The following AP3D1 variants were observed in gnomAD, a reference collection of about 807,000 sequenced individuals.
The protein encoded by AP3D1 is AP-3 complex subunit delta-1.
Under a neutral mutation model 147.6 loss-of-function variants are expected in AP3D1, and 51 were observed. That is an observed-to-expected ratio of 0.35 (90% confidence interval 0.28 to 0.44). The LOEUF (loss-of-function observed/expected upper bound fraction) is 0.44, where lower values mean the gene tolerates loss of function less well. AP3D1 is among the 20% of genes least tolerant of loss of function. The probability of loss-of-function intolerance (pLI) is 1.00; values close to 1 mark genes in which losing one functional copy is unlikely to be tolerated. For missense variants in AP3D1, 1,421 were observed against 1,624.2 expected (o/e 0.87, Z 2.15); for synonymous variants, 760 against 663.0 (o/e 1.15, Z -2.25).
intron 1 of AP3D1, among the ~76,000 whole-genome samples, chr19:2,159,676 C>G (rs1321540739): frequency 1.3e-5 from 2 of 149,924 alleles, no homozygotes; most frequent in African/African-American, 2.5e-5. Context: ...GTGTGAGCCA[C>G]CGTGCCCGGC....
chr19:2,127,257 G>T, intron 8 of AP3D1, 56 bp from the exon 9 acceptor site: 1 of 1,586,298 alleles, frequency 6.3e-7, no homozygotes. Flanking sequence ...GTCAGATGCA[G>T]TGACCCAGTG....
chr19:2,102,737 AAATAAAT>A (rs1160348181), intron 31 of AP3D1, among the ~76,000 whole-genome samples: 3 of 18,054 alleles, frequency 1.7e-4, no homozygotes, highest in Non-Finnish European at 4.7e-4. Flanking sequence ...AAAAATAAAT[AAATAAAT>A]AAATAAATAA....
rs775351017 is a variant in AP3D1 at position 2,151,381 on chromosome 19, C to T, written c.-47G>A. The T allele has an allele frequency of 2.9e-6, 4 of 1,401,576 alleles. No individual in the cohort carries two copies. Among genetic ancestry groups the T allele is most frequent in the Middle Eastern group, 2.2e-4 (1 of 4,548 alleles). The allele number at this position is 1,401,576 out of a possible 1,614,324, so 86.8% of individuals were successfully genotyped here. ...GCCTCGGGAGGCCCGCGGCTGGGCG[C>T]CGTGAGGGGGCCCGGGGCCCGTGCC... On this transcript the variant is annotated 5_prime_UTR_variant, in exon 1 of 32. Coordinates refer to ENST00000643116, the MANE Select transcript of AP3D1 (RefSeq NM_001261826.3).
At chr19:2,141,599 G>A (rs1015357323) in intron 1 of AP3D1, among the ~76,000 whole-genome samples, 53 of 151,726 alleles carry the variant, frequency 3.5e-4, no homozygotes, top group Admixed American at 2.6e-4. Flanking sequence ...ACACCACCAC[G>A]CCCAGCTAAT....
chr19:2,116,999 G>C, intron 16 of AP3D1: 2 of 792,582 alleles, frequency 2.5e-6, no homozygotes. Context: ...TGGCAAGGGT[G>C]GGAGCAGGCC....
chr19:2,117,694 T>C (rs2018497875), intron 15 of AP3D1, among the ~76,000 whole-genome samples: 1 of 152,270 alleles, frequency 6.6e-6, no homozygotes, highest in African/African-American at 2.4e-5. Context: ...GCCTCTGTGC[T>C]GGCTCCAACT....
At chr19:2,155,801 C>T (rs896682183), upstream of AP3D1, among the ~76,000 whole-genome samples, 7 of 152,016 alleles carry the variant, frequency 4.6e-5, no homozygotes, top group African/African-American at 1.7e-4. Context: ...GGCTGACATG[C>T]CAGCACTCTG....
chr19:2,137,887 C>T (rs1599484877), intron 2 of AP3D1, 80 bp from the exon 3 acceptor site: 1 of 1,299,594 alleles, frequency 7.7e-7, no homozygotes, highest in Non-Finnish European at 1.1e-6. Flanking sequence ...CAAGCGCTCC[C>T]TCCCAGCACA....
Position 2,113,286 on chromosome 19 carries a change from T to C in AP3D1, c.2679+50A>G, listed in dbSNP as rs375406915. Reference sequence around the variant, plus strand: ...AGGGCTCTTCCCTGAGTGCCAGGTATGACCTCTGCAGACACCGAGGCTGGC... The same window carrying C: ...AGGGCTCTTCCCTGAGTGCCAGGTACGACCTCTGCAGACACCGAGGCTGGC... On this transcript the variant is annotated intron_variant, in intron 23 of 31. Coordinates refer to ENST00000643116, the MANE Select transcript of AP3D1 (RefSeq NM_001261826.3). 8.0e-4 allele frequency: 772 copies of C among 962,720 alleles called. 6 individuals carry two copies. The African/African-American group carries it at 0.012, about 16-fold the overall frequency. 59.6% of individuals were successfully genotyped at this position (962,720 alleles called of 1,614,324 possible). A position where few individuals can be genotyped will look rare whatever the true frequency, so the allele number is the denominator to read the frequency against.
At chr19:2,134,057 G>C (rs193078861) in intron 4 of AP3D1, among the ~76,000 whole-genome samples, 2 of 151,800 alleles carry the variant, frequency 1.3e-5, no homozygotes, top group African/African-American at 4.8e-5. Flanking sequence ...GCAGTGAGCC[G>C]ACATTGTACT....
At chr19:2,111,127 C>T (rs1472638781) in intron 26 of AP3D1, 158 bp downstream of exon 26, 1 of 1,036,960 alleles carries the variant, frequency 9.6e-7, no homozygotes, top group Non-Finnish European at 1.4e-6. Flanking sequence ...AACCTTACCC[C>T]AAGCCAGAGG....
Position 2,117,257 on chromosome 19 carries a change from G to A in AP3D1, c.1824C>T (p.Ala608=). 1 of 1,612,432 alleles carries A rather than the reference G, an allele frequency of 6.2e-7. No homozygotes were observed. Among genetic ancestry groups the A allele is most frequent in the Non-Finnish European group, 8.5e-7 (1 of 1,179,482 alleles). ...CTGGAACCTTCTTCTGGGCCTTGGG[G>A]GCCACTGGGTTCAGCTCCCCAGCAA... is the stretch of plus-strand genomic sequence containing the variant. The part of the protein sequence containing the change: ...ALFAGELNPV[A]PKAQKKVPVP... The change falls in exon 16 of 32, where the codon GCC becomes GCT. Residue 608 remains alanine (A), a synonymous_variant. Coordinates refer to ENST00000643116, the MANE Select transcript of AP3D1 (RefSeq NM_001261826.3).
chr19:2,159,776 C>G (rs2019680894), intron 1 of AP3D1, among the ~76,000 whole-genome samples: 1 of 151,828 alleles, frequency 6.6e-6, no homozygotes, highest in African/African-American at 2.4e-5. Context: ...TCTTGGTTCA[C>G]TGCAAGCTCC....
chr19:2,163,033 C>T lies in AP3D1; in HGVS notation c.-103+1323G>A, dbSNP rs145519694. Among the ~76,000 whole-genome samples, 397 of 152,146 alleles carry T rather than the reference C, an allele frequency of 2.6e-3. 4 individuals carry two copies. The highest frequency in any genetic ancestry group is 9.1e-3 in the African/African-American group (377 of 41,506). The stretch of plus-strand genomic sequence containing the variant: ...CATCCCTGGGCATAGGCTGAACTAA[C>T]TTTGGGAGAAACTTATAGTTTAATT... On this transcript the variant is annotated intron_variant, in intron 1 of 14. Coordinates refer to the AP3D1 transcript ENST00000643010.
rs28403414 is a variant in AP3D1, at chr19:2,113,899, C to A, written c.2601+226G>T. On this transcript the variant is annotated intron_variant, in intron 22 of 31. Transcript: ENST00000643116. Reference sequence around the variant, plus strand: ...CCAACACAGGTGAGGACACGGCTCACCCATGGGATCGTTGGGTCCTCCTCA... The same window carrying A: ...CCAACACAGGTGAGGACACGGCTCAACCATGGGATCGTTGGGTCCTCCTCA... Among the ~76,000 whole-genome samples, 3,754 of 152,284 alleles carry A rather than the reference C, an allele frequency of 0.025. 148 individuals carry two copies. Among genetic ancestry groups the A allele is most frequent in the African/African-American group, 0.085 (3,514 of 41,540 alleles).
intron 1 of AP3D1, among the ~76,000 whole-genome samples, chr19:2,157,269 C>T (rs1315980393): frequency 2.3e-4 from 35 of 151,238 alleles, no homozygotes; most frequent in African/African-American, 3.2e-4. Context: ...GGTGAAACCC[C>T]GTCTCTACTA....
rs73512340 is a variant in AP3D1 at position 2,107,950 on chromosome 19, C to T, written c.3552+737G>A. On this transcript the variant is annotated intron_variant, in intron 31 of 31. Transcript: ENST00000643116. ...AAAGTACAAAACTACCAAACTCACC[C>T]AACGTGAACGGTAACTTGGGGATTC... Among the ~76,000 whole-genome samples the T allele has an allele frequency of 6.3e-3, 962 of 152,250 alleles. 10 individuals carry two copies. Among genetic ancestry groups the T allele is most frequent in the African/African-American group, 0.021 (892 of 41,530 alleles).
intron 1 of AP3D1, 92 bp downstream of exon 1, chr19:2,151,147 G>T: frequency 8.1e-7 from 1 of 1,238,710 alleles, no homozygotes; most frequent in Non-Finnish European, 1.1e-6. Context: ...GAGCCCGGGC[G>T]GGCGGCAGGC....
At chr19:2,155,132 G>A (rs538352598), upstream of AP3D1, among the ~76,000 whole-genome samples, 225 of 151,386 alleles carry the variant, frequency 1.5e-3, no homozygotes, top group African/African-American at 5.3e-3. Flanking sequence ...AGTGAGCCGA[G>A]ATCGCGCCAT....
Sources: gnomAD v4.1 joint callset for allele counts (sites outside exome capture counted in the v4.1 genomes callset) on GRCh38, gnomAD v4.1.1 for gene constraint, MANE v1.5 for transcripts, NCBI Gene and HGNC (gene_info 2026-07-23, HGNC 2026-07-21) for gene names.